The following MUC17 variants were observed in gnomAD, a reference collection of about 807,000 sequenced individuals.
The protein encoded by MUC17 is mucin-17.
MUC17 carries 190 observed loss-of-function variants against 170.3 expected under a neutral mutation model. That is an observed-to-expected ratio of 1.12 (90% CI 0.99 to 1.26). The LOEUF is 1.26. Ranked by LOEUF, MUC17 falls within the 50% of genes most tolerant of loss-of-function variation. MUC17 has a pLI of 0.00. For missense variants in MUC17, 6,415 were observed against 5,530.0 expected, an observed-to-expected ratio of 1.16 and a Z score of -5.08; for synonymous variants, 2,325 against 2,002.5, an observed-to-expected ratio of 1.16 and a Z score of -4.30.
intron 1 of MUC17, among the ~76,000 whole-genome samples, chr7:101,022,163 A>ATTT (rs1247384498): frequency 5.4e-4 from 61 of 112,970 alleles, no homozygotes; most frequent in African/African-American, 1.1e-3. Flanking sequence ...CTCCCGAGAG[A>ATTT]TTTTTTTTTT....
intron 3 of MUC17, among the ~76,000 whole-genome samples, chr7:101,045,401 C>CTTT (rs373569733): frequency 4.5e-4 from 65 of 144,752 alleles, no homozygotes; most frequent in African/African-American, 1.6e-3. Context: ...TTTTCTTTTT[C>CTTT]TTTTTTTTTT....
chr7:101,057,029 G>GC (rs1458014247), intron 12 of MUC17, among the ~76,000 whole-genome samples: 7 of 151,850 alleles, frequency 4.6e-5, no homozygotes, highest in African/African-American at 9.7e-5. Flanking sequence ...CATCTAACTT[G>GC]CCCACCCATC....
At chr7:101,053,665 G>A in intron 11 of MUC17, 1 of 410,548 alleles carries the variant, frequency 2.4e-6, no homozygotes, top group Non-Finnish European at 4.4e-6. Flanking sequence ...ACCACTTGAG[G>A]TCAGGAGTTT....
rs1176490542 is a variant in MUC17 at position 101,033,801 on chromosome 7, C to A, written c.2385C>A (p.Ser795Arg). 3 of 1,614,006 alleles carry A rather than the reference C, an allele frequency of 1.9e-6. No homozygotes were observed. The highest frequency in any genetic ancestry group is 2.5e-6 in the Non-Finnish European group (3 of 1,179,982). The change falls in exon 3 of 13, where the codon AGC becomes AGA. Residue 795 changes from serine (S) to arginine (R), a missense_variant. By Grantham distance (110) the Ser-to-Arg change is moderately radical (BLOSUM62 -1). Transcript: ENST00000306151. ...SCSPTTTEGT[S>R]MPISTPSEGS... Reference sequence around the variant, plus strand: ...CTCCTACAACCACTGAAGGTACCAGCATGCCAATCTCAACTCCTAGTGAAG... The same window carrying A: ...CTCCTACAACCACTGAAGGTACCAGAATGCCAATCTCAACTCCTAGTGAAG...
At chr7:101,022,279 G>T (rs1018918158) in intron 1 of MUC17, among the ~76,000 whole-genome samples, 2 of 150,790 alleles carry the variant, frequency 1.3e-5, no homozygotes, top group Non-Finnish European at 2.9e-5. Context: ...CAATTCTCCT[G>T]CCTCAGCCTC....
chr7:101,038,856 T>C lies in MUC17; in HGVS notation c.7440T>C (p.Pro2480=). Residue 2480 remains proline, a synonymous_variant, in exon 3 of 13, where the codon CCT becomes CCC. Coordinates refer to ENST00000306151, the MANE Select transcript of MUC17 (RefSeq NM_001040105.2). ...AGGCTGGCACCCTTTCCACAACTCC[T>C]GTTGACACCAGCACACCTATGACCA... ...SSEAGTLSTT[P]VDTSTPMTTS... The C allele has an allele frequency of 1.2e-6, 2 of 1,612,908 alleles. No individual in the cohort carries two copies. Among genetic ancestry groups the C allele is most frequent in the Non-Finnish European group, 1.7e-6 (2 of 1,179,528 alleles).
Position 101,037,208 on chromosome 7 carries a change from T to A in MUC17, c.5792T>A (p.Ile1931Lys). Residue 1931 changes from isoleucine (I) to lysine (K), a missense_variant, in exon 3 of 13, where the codon ATA becomes AAA. Coordinates refer to ENST00000306151, the MANE Select transcript of MUC17 (RefSeq NM_001040105.2). ...PREGRPPLTS[I>K]PVSTTTVASS... The stretch of plus-strand genomic sequence containing the variant: ...GAAGGAAGGCCTCCATTAACAAGTA[T>A]ACCTGTCAGCACCACAACAGTGGCC... 1 of 1,612,842 alleles carries A rather than the reference T, an allele frequency of 6.2e-7. No homozygotes were observed. The highest frequency in any genetic ancestry group is 8.5e-7 in the Non-Finnish European group (1 of 1,179,358).
chr7:101,036,056 C>T lies in MUC17; in HGVS notation c.4640C>T (p.Thr1547Ile), dbSNP rs751085838. ...TPAVTSTPVT[T>I]YSQASSSPTT... ...GCTGTCACCAGCACACCTGTGACCA[C>T]TTATTCTCAAGCCAGTTCATCTCCT... Residue 1547 changes from threonine to isoleucine, a missense_variant, in exon 3 of 13, where the codon ACT becomes ATT. Thr to Ile is a moderately conservative substitution (Grantham distance 89). Transcript: ENST00000306151. The T allele has an allele frequency of 1.2e-6, 2 of 1,612,232 alleles. No homozygotes were observed. Among genetic ancestry groups the T allele is most frequent in the Non-Finnish European group, 1.7e-6 (2 of 1,178,898 alleles).
chr7:101,030,179 A>C (rs1206055903), intron 1 of MUC17, among the ~76,000 whole-genome samples: 1 of 151,614 alleles, frequency 6.6e-6, no homozygotes, highest in Non-Finnish European at 1.5e-5. Flanking sequence ...AAAATCACAA[A>C]TCTAAATCAA....
chr7:101,023,216 A>G (rs770733057), intron 1 of MUC17, among the ~76,000 whole-genome samples: 3 of 151,874 alleles, frequency 2.0e-5, no homozygotes, highest in Non-Finnish European at 4.4e-5. Flanking sequence ...GACCCATGCT[A>G]GTGACCTCAG....
chr7:101,037,765 C>A lies in MUC17; in HGVS notation c.6349C>A (p.Pro2117Thr), dbSNP rs758651016. The change falls in exon 3 of 13, where the codon CCT becomes ACT. Residue 2117 changes from proline to threonine, a missense_variant. Coordinates refer to ENST00000306151, the MANE Select transcript of MUC17 (RefSeq NM_001040105.2). The part of the protein sequence containing the change: ...IPLSTTPVAS[P>T]EASTLSTTPV... ...TCTCAGCACCACGCCGGTGGCCAGTCCTGAGGCTAGCACCCTTTCAACAAC... is the reference window on the plus strand; with the variant it reads ...TCTCAGCACCACGCCGGTGGCCAGTACTGAGGCTAGCACCCTTTCAACAAC... 6.2e-7 allele frequency: 1 copy of A among 1,611,528 alleles called. No homozygotes were observed. The highest frequency in any genetic ancestry group is 8.5e-7 in the Non-Finnish European group (1 of 1,178,880).
chr7:101,040,557 A>G lies in MUC17; in HGVS notation c.9141A>G (p.Pro3047=), dbSNP rs1397894226. The change falls in exon 3 of 13, where the codon CCA becomes CCG. Residue 3047 remains proline (P), a synonymous_variant. Transcript: ENST00000306151. ...CAACTCCTAGTGAAGGAAGTACTCC[A>G]TTAACAAGTATACCTGTCAGCACCA... ...PISTPSEGST[P]LTSIPVSTTP... is the part of the protein sequence containing the mutation. The G allele has an allele frequency of 3.7e-6, 6 of 1,612,504 alleles. No homozygotes were observed. The highest frequency in any genetic ancestry group is 5.1e-6 in the Non-Finnish European group (6 of 1,179,564).
In MUC17 at chr7:101,036,281, C is replaced by T; in HGVS notation, c.4865C>T (p.Thr1622Ile). 6.2e-7 allele frequency: 1 copy of T among 1,613,884 alleles called. No homozygotes were observed. The highest frequency in any genetic ancestry group is 8.5e-7 in the Non-Finnish European group (1 of 1,179,952). ...SSTTAEGSSM[T>I]ISTPSEGSPL... Reference sequence around the variant, plus strand: ...ACAACCGCTGAAGGTAGCAGCATGACAATCTCAACTCCTAGTGAAGGAAGT... The same window carrying T: ...ACAACCGCTGAAGGTAGCAGCATGATAATCTCAACTCCTAGTGAAGGAAGT... Residue 1622 changes from threonine (T) to isoleucine (I), a missense_variant, in exon 3 of 13, where the codon ACA becomes ATA. Transcript: ENST00000306151.
chr7:101,042,357 G>T lies in MUC17; in HGVS notation c.10941G>T (p.Val3647=). ...LTIMPVSTTS[V]TISEAGTAST... ...TTATGCCTGTCAGCACCACATCGGT[G>T]ACCATTTCTGAGGCTGGCACAGCTT... Residue 3647 remains valine, a synonymous_variant, in exon 3 of 13, where the codon GTG becomes GTT. Transcript: ENST00000306151. 1 of 1,614,120 alleles carries T rather than the reference G, an allele frequency of 6.2e-7. No individual in the cohort carries two copies. Among genetic ancestry groups the T allele is most frequent in the Non-Finnish European group, 8.5e-7 (1 of 1,179,988 alleles).
At chr7:101,049,043 T>C in intron 5 of MUC17, 71 bp downstream of exon 5, 2 of 1,604,764 alleles carry the variant, frequency 1.2e-6, no homozygotes, top group Non-Finnish European at 1.7e-6. Flanking sequence ...GGTAAGAAGG[T>C]AGCTGGGGGC....
chr7:101,038,362 G>T lies in MUC17; in HGVS notation c.6946G>T (p.Ala2316Ser). The change falls in exon 3 of 13, where the codon GCC becomes TCC. Residue 2316 changes from alanine to serine, a missense_variant. By Grantham distance (99) the Ala-to-Ser change is moderately conservative. Transcript: ENST00000306151. Reference sequence around the variant, plus strand: ...CACTCCTTTCACTACTTCTACTGAAGCCAGTTCACCTCCTCCCACTGCTGA... The same window carrying T: ...CACTCCTTTCACTACTTCTACTGAATCCAGTTCACCTCCTCCCACTGCTGA... ...SNTPFTTSTE[A>S]SSPPPTAEGT... 6.2e-7 allele frequency: 1 copy of T among 1,613,662 alleles called. No homozygotes were observed. Among genetic ancestry groups the T allele is most frequent in the Non-Finnish European group, 8.5e-7 (1 of 1,179,934 alleles).
chr7:101,047,123 T>TAAATAAATAAAA (rs1413601005), intron 3 of MUC17, among the ~76,000 whole-genome samples: 6 of 150,142 alleles, frequency 4.0e-5, no homozygotes, highest in Non-Finnish European at 8.9e-5. Flanking sequence ...AATAAATAAA[T>TAAATAAATAAAA]AAAATAAGAT....
rs759741386 is a variant in MUC17 at position 101,039,541 on chromosome 7, G to T, written c.8125G>T (p.Ala2709Ser). 6.2e-7 allele frequency: 1 copy of T among 1,612,386 alleles called. No individual in the cohort carries two copies. Among genetic ancestry groups the T allele is most frequent in the East Asian group, 2.2e-5 (1 of 44,848 alleles). Residue 2709 changes from alanine to serine, a missense_variant, in exon 3 of 13, where the codon GCT (alanine) becomes TCT (serine). Physicochemically the swap from Ala to Ser is moderately conservative, Grantham distance 99. Coordinates refer to ENST00000306151, the MANE Select transcript of MUC17 (RefSeq NM_001040105.2). Reference sequence around the variant, plus strand: ...CACCACGCTGTTGGCCAATTCTGAGGCTAGCACCCTTTCAACAACTCCTGT... The same window carrying T: ...CACCACGCTGTTGGCCAATTCTGAGTCTAGCACCCTTTCAACAACTCCTGT... ...VSTTLLANSE[A>S]STLSTTPVDT...
Position 101,041,477 on chromosome 7 carries a change from G to C in MUC17, c.10061G>C (p.Ser3354Thr). Residue 3354 changes from serine to threonine, a missense_variant, in exon 3 of 13, where the codon AGT (serine) becomes ACT (threonine). Coordinates refer to ENST00000306151, the MANE Select transcript of MUC17 (RefSeq NM_001040105.2). Reference sequence around the variant, plus strand: ...TCTTTCAGCACCACGCCAGTGGTCAGTTCTGAGGCTAGCACCCTTTCCACA... The same window carrying C: ...TCTTTCAGCACCACGCCAGTGGTCACTTCTGAGGCTAGCACCCTTTCCACA... Reference protein sequence around the residue: ...NMSFSTTPVVSSEASTLSTTP... With the variant: ...NMSFSTTPVVTSEASTLSTTP... The C allele has an allele frequency of 6.2e-7, 1 of 1,613,996 alleles. No individual in the cohort carries two copies. Among genetic ancestry groups the C allele is most frequent in the Non-Finnish European group, 8.5e-7 (1 of 1,180,008 alleles).
Sources: allele counts gnomAD v4.1 joint callset (sites outside exome capture counted in the v4.1 genomes callset), GRCh38; gene constraint gnomAD v4.1.1; transcripts MANE v1.5; gene names NCBI Gene and HGNC (gene_info 2026-07-23, HGNC 2026-07-21).